The following MTMR14 variants were observed in gnomAD, a reference collection of about 807,000 sequenced individuals.
The protein encoded by MTMR14 is phosphatidylinositol-3,5-bisphosphate 3-phosphatase MTMR14.
In MTMR14, 48 loss-of-function variants were observed where a neutral mutation model predicts 86.3. The observed-to-expected ratio is 0.56, with a 90% CI of 0.44 to 0.71. MTMR14 has a LOEUF of 0.71. Among genes scored for constraint, MTMR14 ranks in the 30% least tolerant of loss-of-function variants. The pLI is 0.00. For missense variants in MTMR14, 780 were observed against 834.6 expected (o/e 0.93, Z 0.81); for synonymous variants, 366 against 326.1 (o/e 1.12, Z -1.32).
At chr3:9,681,610 T>C (rs2075770829) in intron 9 of MTMR14, among the ~76,000 whole-genome samples, 1 of 152,208 alleles carries the variant, frequency 6.6e-6, no homozygotes, top group African/African-American at 2.4e-5. Context: ...AGGCATGGCA[T>C]TTAGCTCAGC....
rs780273415 is a variant in MTMR14, at chr3:9,697,690, T to C, written c.1614-21T>C. 3 of 1,611,236 alleles carry C rather than the reference T, an allele frequency of 1.9e-6. No homozygotes were observed. The Admixed American group carries it at 5.0e-5, about 27-fold the overall frequency. Reference sequence around the variant, plus strand: ...ATATGACTGACTGCATCCTCTCCCCTCTCTCTCCTCTCTGCCCCAGATCAG... The same window carrying C: ...ATATGACTGACTGCATCCTCTCCCCCCTCTCTCCTCTCTGCCCCAGATCAG... On this transcript the variant is annotated intron_variant, in intron 17 of 18. Transcript: ENST00000296003.
At chr3:9,659,645 T>C (rs964876602) in intron 2 of MTMR14, 11 of 453,062 alleles carry the variant, frequency 2.4e-5, no homozygotes, top group South Asian at 1.2e-4. Flanking sequence ...GGTTTCACCA[T>C]GTTGGCCAGG....
Position 9,701,724 on chromosome 3 carries a change from GAGGA to G in MTMR14, c.1770-65_1770-62del, listed in dbSNP as rs2125447139. ...CAAGGACAGGTGGTATGGAGGGAGG[GAGGA>G]TGAGGATACTGGGTCCTGTCCCAGG... On this transcript the variant is annotated intron_variant, in intron 18 of 18. Transcript: ENST00000296003. This position sits in a 1 kb window ranked among gnomAD's most constrained non-coding sequence, Gnocchi z 4.2. 1 of 1,346,260 alleles carries G rather than the reference GAGGA, an allele frequency of 7.4e-7. No homozygotes were observed. Among genetic ancestry groups the G allele is most frequent in the Non-Finnish European group, 1.0e-6 (1 of 960,220 alleles). The allele number at this position is 1,346,260 out of a possible 1,614,324, so 83.4% of individuals were successfully genotyped here.
chr3:9,669,530 G>C (rs760728083), intron 5 of MTMR14, 38 bp downstream of exon 5: 2 of 1,599,556 alleles, frequency 1.3e-6, no homozygotes, highest in Middle Eastern at 1.7e-4. Flanking sequence ...GCTTGTGTTG[G>C]GGATGGGGTG....
chr3:9,687,965 C>A, intron 14 of MTMR14, 74 bp downstream of exon 14: 1 of 1,252,282 alleles, frequency 8.0e-7, no homozygotes, highest in Non-Finnish European at 1.1e-6. Context: ...AGGCAAGAGG[C>A]TGACCACCTC....
At position 9,677,784 on chromosome 3, in the gene MTMR14, C is replaced by T. The variant is rs921560041; in HGVS notation, c.823-200C>T. On this transcript the variant is annotated intron_variant, in intron 8 of 18. Transcript: ENST00000296003. This position sits in a 1 kb window ranked among gnomAD's most constrained non-coding sequence, Gnocchi z 4.2. ...GTTTCAGCAACAGACATCAAATGTCCGACTGAAAAACTCCTACTCAGCTAT... is the reference window on the plus strand; with the variant it reads ...GTTTCAGCAACAGACATCAAATGTCTGACTGAAAAACTCCTACTCAGCTAT... 3.3e-5 allele frequency among the ~76,000 whole-genome samples: 5 copies of T among 152,102 alleles called. No homozygotes were observed. Among genetic ancestry groups the T allele is most frequent in the South Asian group, 2.1e-4 (1 of 4,830 alleles).
intron 2 of MTMR14, among the ~76,000 whole-genome samples, chr3:9,660,888 CT>C (rs1171403250): frequency 5.3e-5 from 8 of 152,190 alleles, no homozygotes; most frequent in Admixed American, 3.9e-4. Flanking sequence ...TTCCTGCCTC[CT>C]GTTTCTGTTG....
At chr3:9,691,029 G>T (rs2076123175) in intron 17 of MTMR14, among the ~76,000 whole-genome samples, 1 of 152,156 alleles carries the variant, frequency 6.6e-6, no homozygotes, top group South Asian at 2.1e-4. Flanking sequence ...GAAACTTCTG[G>T]AACCTTCCTC....
At chr3:9,684,499 CCA>C in intron 10 of MTMR14, 84 bp from the exon 11 acceptor site, 1 of 1,339,708 alleles carries the variant, frequency 7.5e-7, no homozygotes, top group East Asian at 2.3e-5. Flanking sequence ...CTGGCTCCCT[CCA>C]CCAGGCCAAG....
At chr3:9,663,639 G>C (rs548170186) in intron 3 of MTMR14, among the ~76,000 whole-genome samples, 1 of 148,530 alleles carries the variant, frequency 6.7e-6, no homozygotes, top group East Asian at 2.0e-4. Flanking sequence ...TTAGCCTCCC[G>C]AGTAGCTGGG....
At chr3:9,671,271 A>G (rs1310874969) in intron 6 of MTMR14, 101 bp downstream of exon 6, 1 of 1,528,904 alleles carries the variant, frequency 6.5e-7, no homozygotes, top group Admixed American at 1.8e-5. Context: ...GCCTTCTTAC[A>G]AAGGGCTTTC....
intron 17 of MTMR14, among the ~76,000 whole-genome samples, chr3:9,695,336 ACAAAGGC>A (rs2076251995): frequency 6.6e-6 from 1 of 152,092 alleles, no homozygotes; most frequent in Admixed American, 6.5e-5. Context: ...CCTTCCTTTG[ACAAAGGC>A]CTCACGTAGG....
intron 9 of MTMR14, 21 bp downstream of exon 9, chr3:9,678,079 A>G (rs2075641698): frequency 6.2e-7 from 1 of 1,613,376 alleles, no homozygotes; most frequent in South Asian, 1.1e-5. Context: ...TGACTCAAGC[A>G]TTGAGGGCAG....
Position 9,677,296 on chromosome 3 carries a change from A to G in MTMR14, c.752-21A>G. 2 of 1,611,584 alleles carry G rather than the reference A, an allele frequency of 1.2e-6. No homozygotes were observed. The highest frequency in any genetic ancestry group is 1.7e-6 in the Non-Finnish European group (2 of 1,177,720). ...TTTGGGCTGGGAAGGGAGATGTCATAACTCTGCCCTTCTTTTCCAGGCTGT... is the reference window on the plus strand; with the variant it reads ...TTTGGGCTGGGAAGGGAGATGTCATGACTCTGCCCTTCTTTTCCAGGCTGT... On this transcript the variant is annotated intron_variant, in intron 7 of 18. Transcript: ENST00000296003. The surrounding 1 kb of genome is among the most constrained non-coding windows in gnomAD (Gnocchi z 4.2).
chr3:9,674,874 G>A (rs1199253365), intron 7 of MTMR14, among the ~76,000 whole-genome samples: 1 of 152,230 alleles, frequency 6.6e-6, no homozygotes, highest in Non-Finnish European at 1.5e-5. Flanking sequence ...CACTTTGGGA[G>A]GCTGAGGCAG....
chr3:9,685,103 C>T, intron 12 of MTMR14, 108 bp from the exon 13 acceptor site: 1 of 1,534,858 alleles, frequency 6.5e-7, no homozygotes. Context: ...GATCAGGCCC[C>T]ACCTGCCACG....
intron 5 of MTMR14, 124 bp from the exon 6 acceptor site, chr3:9,670,924 C>T (rs2048534373): frequency 2.0e-5 from 26 of 1,270,438 alleles, no homozygotes; most frequent in Non-Finnish European, 2.8e-5. Context: ...CCCATGCGTC[C>T]ACCTAGCACA....
chr3:9,661,068 T>G (rs1482748270), intron 2 of MTMR14, among the ~76,000 whole-genome samples: 1 of 152,206 alleles, frequency 6.6e-6, no homozygotes, highest in East Asian at 1.9e-4. Flanking sequence ...CCAAGCCCAG[T>G]GCATTAACTA....
chr3:9,674,354 TA>T (rs2125162940), intron 7 of MTMR14, among the ~76,000 whole-genome samples: 1 of 152,362 alleles, frequency 6.6e-6, no homozygotes, highest in African/African-American at 2.4e-5. Flanking sequence ...CATTAGGCTG[TA>T]ATTCAGCCAC....
Sources: gnomAD v4.1 joint callset for allele counts (sites outside exome capture counted in the v4.1 genomes callset) on GRCh38, gnomAD v4.1.1 for gene constraint, Gnocchi (gnomAD v3.1) non-coding constraint, MANE v1.5 for transcripts, NCBI Gene and HGNC (gene_info 2026-07-23, HGNC 2026-07-21) for gene names.